The following ZNF440 variants were observed in gnomAD, a reference collection of about 807,000 sequenced individuals.
ZNF440 encodes zinc finger protein 440.
A neutral mutation model predicts 49.7 loss-of-function variants in ZNF440; 47 were observed. The ratio of observed to expected loss-of-function variants is 0.95; its 90% CI spans 0.75 to 1.21. ZNF440 has a LOEUF of 1.21. Among genes scored for constraint, ZNF440 ranks in the 50% most tolerant of loss-of-function variants. The pLI, the probability that ZNF440 is intolerant of heterozygous loss-of-function variation, is 0.00. For missense variants in ZNF440, 703 were observed against 715.0 expected (o/e 0.98, Z 0.19); for synonymous variants, 255 against 237.7 (o/e 1.07, Z -0.67).
intron 1 of ZNF440, chr19:11,817,689 G>A (rs375452184): frequency 1.4e-5 from 1 of 69,132 alleles, no homozygotes; most frequent in Non-Finnish European, 3.6e-5. Context: ...AAAAAAAAAG[G>A]AAAGAAAGAA....
At chr19:11,818,596 G>T (rs1275197553) in intron 1 of ZNF440, among the ~76,000 whole-genome samples, 1 of 151,938 alleles carries the variant, frequency 6.6e-6, no homozygotes, top group African/African-American at 2.4e-5. Context: ...CTGTGGCCCA[G>T]GCTGGAGCAG....
rs778691104 is a variant in ZNF440 at position 11,831,562 on chromosome 19, T to C, written c.386T>C (p.Ile129Thr). The change falls in exon 4 of 4, where the codon ATT becomes ACT. Residue 129 changes from isoleucine to threonine, a missense_variant. Physicochemically the swap from Ile to Thr is moderately conservative, Grantham distance 89 (BLOSUM62 -1). Transcript: ENST00000304060. Reference sequence around the variant, plus strand: ...TTTAATATGAACATCAGAGGTGACATTGGACACAAGGCATATGAGTATCAG... The same window carrying C: ...TTTAATATGAACATCAGAGGTGACACTGGACACAAGGCATATGAGTATCAG... ...SSFNMNIRGD[I>T]GHKAYEYQEY... 6 of 1,613,944 alleles carry C rather than the reference T, an allele frequency of 3.7e-6. No homozygotes were observed. The African/African-American group carries it at 6.7e-5, about 18-fold the overall frequency.
intron 1 of ZNF440, among the ~76,000 whole-genome samples, chr19:11,829,639 G>T (rs1975908868): frequency 6.6e-6 from 1 of 152,076 alleles, no homozygotes; most frequent in Admixed American, 6.6e-5. Flanking sequence ...ATCCTGCTGT[G>T]GCTTTAGCCC....
intron 1 of ZNF440, among the ~76,000 whole-genome samples, chr19:11,818,165 T>C (rs1177663014): frequency 6.6e-6 from 1 of 152,018 alleles, no homozygotes; most frequent in African/African-American, 2.4e-5. Flanking sequence ...GATTGTGCCA[T>C]TGCACTCCAG....
rs1490759750 is a variant in ZNF440 at position 11,834,446 on chromosome 19, C to G, written c.*1482C>G. 1.3e-5 allele frequency: 2 copies of G among 152,172 alleles called. No individual in the cohort carries two copies. The highest frequency in any genetic ancestry group is 4.8e-5 in the African/African-American group (2 of 41,418). 9.4% of individuals were successfully genotyped at this position (152,172 alleles called of 1,614,324 possible). On this transcript the variant is annotated 3_prime_UTR_variant, in exon 4 of 4. Transcript: ENST00000304060. ...CCAGCTGCAACCCTAATTTTTCATT[C>G]AGTCATAATACCAATAGTTATCTCA...
chr19:11,819,249 G>T (rs1367473285), intron 1 of ZNF440, among the ~76,000 whole-genome samples: 1 of 152,146 alleles, frequency 6.6e-6, no homozygotes, highest in East Asian at 1.9e-4. Flanking sequence ...AAACAGTATA[G>T]GTAAGAAAGA....
Position 11,833,735 on chromosome 19 carries a change from G to A in ZNF440, c.*771G>A. On this transcript the variant is annotated 3_prime_UTR_variant, in exon 4 of 4. Coordinates refer to ENST00000304060, the MANE Select transcript of ZNF440 (RefSeq NM_152357.3). Reference sequence around the variant, plus strand: ...ATGAAAGGACTCACACTGGAGAGAAGCCCTATGAATATAAGCAATGTGGGA... The same window carrying A: ...ATGAAAGGACTCACACTGGAGAGAAACCCTATGAATATAAGCAATGTGGGA... 3.9e-6 allele frequency: 3 copies of A among 773,716 alleles called. No individual in the cohort carries two copies. The highest frequency in any genetic ancestry group is 2.7e-5 in the Admixed American group (1 of 36,618). 47.9% of individuals were successfully genotyped at this position (773,716 alleles called of 1,614,324 possible). A position where few individuals can be genotyped will look rare whatever the true frequency, so the allele number is the denominator to read the frequency against.
Position 11,832,251 on chromosome 19 carries a change from GA to G in ZNF440, c.1081del (p.Ile361PhefsTer76). 6.2e-7 allele frequency: 1 copy of G among 1,614,006 alleles called. No individual in the cohort carries two copies. Among genetic ancestry groups the G allele is most frequent in the Non-Finnish European group, 8.5e-7 (1 of 1,179,994 alleles). On this transcript the variant is annotated frameshift_variant, in exon 4 of 4. Coordinates refer to ENST00000304060, the MANE Select transcript of ZNF440 (RefSeq NM_152357.3). LOFTEE classifies it high-confidence loss of function. ...FCSVNSFQRH[E>X]KIHSGEKPYK... The stretch of plus-strand genomic sequence containing the variant: ...TTCTGTGAATTCATTTCAAAGACAT[GA>G]AAAAATTCACAGTGGAGAGAAACCC...
chr19:11,829,564 A>G (rs1975907718), intron 1 of ZNF440, among the ~76,000 whole-genome samples: 1 of 152,106 alleles, frequency 6.6e-6, no homozygotes, highest in African/African-American at 2.4e-5. Flanking sequence ...CCCACAGTCC[A>G]AAGAGACATT....
intron 1 of ZNF440, among the ~76,000 whole-genome samples, chr19:11,828,000 T>C (rs1975887402): frequency 6.6e-6 from 1 of 152,212 alleles, no homozygotes; most frequent in South Asian, 2.1e-4. Flanking sequence ...TCAGGAGATA[T>C]TAACTTATTT....
Position 11,833,138 on chromosome 19 carries a change from A to G in ZNF440, c.*174A>G. 1 of 1,374,918 alleles carries G rather than the reference A, an allele frequency of 7.3e-7. No individual in the cohort carries two copies. The allele number at this position is 1,374,918 out of a possible 1,614,324, so 85.2% of individuals were successfully genotyped here. Reference sequence around the variant, plus strand: ...CTTTCGATATCATGAAAGGACTCACACTGGAGAGAACCCCTATGAGTGTAA... The same window carrying G: ...CTTTCGATATCATGAAAGGACTCACGCTGGAGAGAACCCCTATGAGTGTAA... On this transcript the variant is annotated 3_prime_UTR_variant, in exon 4 of 4. Coordinates refer to ENST00000304060, the MANE Select transcript of ZNF440 (RefSeq NM_152357.3).
chr19:11,817,982 G>A (rs1266986694), intron 1 of ZNF440, among the ~76,000 whole-genome samples: 2 of 152,146 alleles, frequency 1.3e-5, no homozygotes, highest in Non-Finnish European at 2.9e-5. Context: ...GGCCGAGGTG[G>A]GCGGATCACT....
intron 1 of ZNF440, chr19:11,816,253 CT>C (rs1313351200): frequency 6.6e-6 from 1 of 152,232 alleles, no homozygotes; most frequent in African/African-American, 2.4e-5. Context: ...GAATCTTTGT[CT>C]AAAGTTTGGA....
intron 1 of ZNF440, among the ~76,000 whole-genome samples, chr19:11,820,055 G>A (rs1465437292): frequency 6.6e-6 from 1 of 152,182 alleles, no homozygotes; most frequent in East Asian, 1.9e-4. Context: ...TCACATGAGA[G>A]GAAAGCAGAG....
At chr19:11,818,074 A>C (rs181947213) in intron 1 of ZNF440, among the ~76,000 whole-genome samples, 142 of 152,120 alleles carry the variant, frequency 9.3e-4, no homozygotes, top group African/African-American at 3.3e-3. Flanking sequence ...GCATGGTGGC[A>C]TGTGCCTGTG....
Position 11,832,428 on chromosome 19 carries a change from C to G in ZNF440, c.1252C>G (p.His418Asp). ...ACACCTTCGAGTGCATGGTAGGACT[C>G]ACACTGGAGAGAAACCGTATGAATG... ...ASHLRVHGRTHTGEKPYECKE... is the reference protein window; with the variant it reads ...ASHLRVHGRTDTGEKPYECKE... The change falls in exon 4 of 4, where the codon CAC (histidine) becomes GAC (aspartate). Residue 418 changes from histidine to aspartate, a missense_variant. Coordinates refer to ENST00000304060, the MANE Select transcript of ZNF440 (RefSeq NM_152357.3). 6.2e-7 allele frequency: 1 copy of G among 1,613,662 alleles called. No individual in the cohort carries two copies. The highest frequency in any genetic ancestry group is 8.5e-7 in the Non-Finnish European group (1 of 1,179,862).
chr19:11,831,887 T>C lies in ZNF440; in HGVS notation c.711T>C (p.Phe237=). 6.2e-7 allele frequency: 1 copy of C among 1,613,804 alleles called. No homozygotes were observed. Among genetic ancestry groups the C allele is most frequent in the Non-Finnish European group, 8.5e-7 (1 of 1,179,906 alleles). The part of the protein sequence containing the change: ...PCECKQCGKS[F]SYSATHRIHK... ...AATGTAAACAGTGTGGTAAATCCTT[T>C]AGTTATTCTGCTACCCATCGAATAC... The change falls in exon 4 of 4, where the codon TTT becomes TTC. Residue 237 remains phenylalanine, a synonymous_variant. Transcript: ENST00000304060.
intron 1 of ZNF440, among the ~76,000 whole-genome samples, chr19:11,815,284 TCACA>T (rs3223082): frequency 0.014 from 1,693 of 121,088 alleles, 18 homozygotes; most frequent in African/African-American, 0.034. Flanking sequence ...GGCAACTCCG[TCACA>T]CACACACACA....
Position 11,833,138 on chromosome 19 carries a change from A to C in ZNF440, c.*174A>C. The C allele has an allele frequency of 7.3e-7, 1 of 1,374,918 alleles. No homozygotes were observed. Among genetic ancestry groups the C allele is most frequent in the Non-Finnish European group, 1.0e-6 (1 of 975,380 alleles). 85.2% of individuals were successfully genotyped at this position (1,374,918 alleles called of 1,614,324 possible). A position where few individuals can be genotyped will look rare whatever the true frequency, so the allele number is the denominator to read the frequency against. On this transcript the variant is annotated 3_prime_UTR_variant, in exon 4 of 4. Coordinates refer to ENST00000304060, the MANE Select transcript of ZNF440 (RefSeq NM_152357.3). ...CTTTCGATATCATGAAAGGACTCAC[A>C]CTGGAGAGAACCCCTATGAGTGTAA...
Sources: gnomAD v4.1 joint callset for allele counts (sites outside exome capture counted in the v4.1 genomes callset) on GRCh38, gnomAD v4.1.1 for gene constraint, MANE v1.5 for transcripts, NCBI Gene and HGNC (gene_info 2026-07-23, HGNC 2026-07-21) for gene names.